The following LCORL variants were observed in gnomAD, a reference collection of about 807,000 sequenced individuals.
LCORL encodes the protein ligand dependent nuclear receptor corepressor like, also known as ligand-dependent nuclear receptor corepressor-like protein.
In LCORL, 41 loss-of-function variants were observed where a neutral mutation model predicts 141.8. The ratio of observed to expected loss-of-function variants is 0.29; its 90% CI spans 0.23 to 0.38. The LOEUF is 0.38. LCORL is among the 10% of genes least tolerant of loss of function. LCORL has a pLI of 1.00. For missense variants in LCORL, 1,759 were observed against 2,035.0 expected, an observed-to-expected ratio of 0.86 and a Z score of 2.61; for synonymous variants, 618 against 694.1, an observed-to-expected ratio of 0.89 and a Z score of 1.72.
At position 17,884,862 on chromosome 4, in the gene LCORL, C is replaced by T; in HGVS notation, c.776+1206G>A. On this transcript the variant is annotated intron_variant, in intron 6 of 7. Transcript: ENST00000635767. This position sits in a 1 kb window ranked among gnomAD's most constrained non-coding sequence, Gnocchi z 4.4. ...TATACTCCTTGCTTAGGTAACATCACTGCTTATGACACTTTTAAGTCTGTG... is the reference window on the plus strand; with the variant it reads ...TATACTCCTTGCTTAGGTAACATCATTGCTTATGACACTTTTAAGTCTGTG... The T allele has an allele frequency of 1.9e-6, 1 of 515,556 alleles. No individual in the cohort carries two copies. The highest frequency in any genetic ancestry group is 3.1e-5 in the East Asian group (1 of 32,270). The allele number at this position is 515,556 out of a possible 1,614,324, so 31.9% of individuals were successfully genotyped here. A position where few individuals can be genotyped will look rare whatever the true frequency, so the allele number is the denominator to read the frequency against.
chr4:17,852,521 T>A (rs1723873357), intron 7 of LCORL, among the ~76,000 whole-genome samples: 1 of 152,142 alleles, frequency 6.6e-6, no homozygotes, highest in South Asian at 2.1e-4. Context: ...TTTTGCCGCA[T>A]GTTTTGGTGA....
intron 7 of LCORL, among the ~76,000 whole-genome samples, chr4:17,868,918 T>A (rs1279948491): frequency 6.6e-6 from 1 of 152,126 alleles, no homozygotes; most frequent in African/African-American, 2.4e-5. Context: ...CTTGTCCATA[T>A]TCCCCAATTA....
At chr4:17,880,348 T>A in intron 6 of LCORL, 1 of 644,818 alleles carries the variant, frequency 1.6e-6, no homozygotes, top group Non-Finnish European at 1.9e-6. Context: ...AAATATCCAG[T>A]CTAGAATTTA....
chr4:18,014,248 G>A (rs1337929289), intron 1 of LCORL, among the ~76,000 whole-genome samples: 7 of 152,144 alleles, frequency 4.6e-5, no homozygotes, highest in Non-Finnish European at 1.0e-4. Context: ...TAGACAAACT[G>A]AAGAAGCAGG....
exon 7 of LCORL, chr4:17,876,420 G>A (rs965393679): frequency 1.7e-5 from 21 of 1,230,720 alleles, no homozygotes; most frequent in Non-Finnish European, 2.0e-5. Context: ...ATATCCTTCT[G>A]ATAATGGCTG....
chr4:17,998,285 C>T (rs541132653), intron 1 of LCORL, among the ~76,000 whole-genome samples: 12 of 152,036 alleles, frequency 7.9e-5, no homozygotes, highest in East Asian at 1.9e-4. Flanking sequence ...AAACATTGTA[C>T]GACTACACTA....
At chr4:17,923,057 A>C (rs1395732130) in intron 4 of LCORL, among the ~76,000 whole-genome samples, 3 of 152,172 alleles carry the variant, frequency 2.0e-5, no homozygotes. Flanking sequence ...CCTATAACTA[A>C]AGTCCCGGCA....
intron 7 of LCORL, among the ~76,000 whole-genome samples, chr4:17,869,846 C>T (rs1237527302): frequency 6.6e-6 from 1 of 152,166 alleles, no homozygotes; most frequent in Non-Finnish European, 1.5e-5. Context: ...AGCATTCTAT[C>T]TTAGTAGATC....
At chr4:17,963,304 T>C (rs1450570956) in intron 2 of LCORL, among the ~76,000 whole-genome samples, 1 of 152,028 alleles carries the variant, frequency 6.6e-6, no homozygotes, top group Non-Finnish European at 1.5e-5. Flanking sequence ...TTTCCAACAA[T>C]AGGGTTTTAA....
Position 17,884,840 on chromosome 4 carries a change from A to G in LCORL, c.776+1228T>C. The G allele has an allele frequency of 1.6e-6, 1 of 639,450 alleles. No individual in the cohort carries two copies. The highest frequency in any genetic ancestry group is 2.5e-6 in the Non-Finnish European group (1 of 398,994). 39.6% of individuals were successfully genotyped at this position (639,450 alleles called of 1,614,324 possible). A position where few individuals can be genotyped will look rare whatever the true frequency, so the allele number is the denominator to read the frequency against. Reference sequence around the variant, plus strand: ...AGGGGAGGGTCCACTCCTTTATTATACTCCTTGCTTAGGTAACATCACTGC... The same window carrying G: ...AGGGGAGGGTCCACTCCTTTATTATGCTCCTTGCTTAGGTAACATCACTGC... On this transcript the variant is annotated intron_variant, in intron 6 of 7. Transcript: ENST00000635767. This position sits in a 1 kb window ranked among gnomAD's most constrained non-coding sequence, Gnocchi z 4.4.
intron 5 of LCORL, among the ~76,000 whole-genome samples, chr4:17,903,902 A>G (rs1399889872): frequency 6.6e-6 from 1 of 152,030 alleles, no homozygotes; most frequent in African/African-American, 2.4e-5. Flanking sequence ...CAGCATTACT[A>G]TGTCAAAGGA....
intron 4 of LCORL, among the ~76,000 whole-genome samples, chr4:17,934,973 G>GC (rs1262619642): frequency 2.0e-5 from 3 of 152,056 alleles, no homozygotes; most frequent in Admixed American, 6.6e-5. Context: ...GTAACTAACT[G>GC]CCCACTCACT....
chr4:17,898,517 T>C lies in LCORL; in HGVS notation c.682+10577A>G, dbSNP rs867093500. 1.2e-4 allele frequency among the ~76,000 whole-genome samples: 18 copies of C among 152,264 alleles called. 1 individual carries two copies. In the Middle Eastern group the frequency reaches 0.02, roughly 173 times the overall value. The stretch of plus-strand genomic sequence containing the variant: ...ATCCCCTTCTTGGTAACCACATTCA[T>C]TGTCGTTAGTTTTTGGCTTATCTTC... On this transcript the variant is annotated intron_variant, in intron 5 of 7. Transcript: ENST00000635767.
intron 7 of LCORL, among the ~76,000 whole-genome samples, chr4:17,863,343 C>T (rs768648685): frequency 6.6e-6 from 1 of 152,056 alleles, no homozygotes; most frequent in South Asian, 2.1e-4. Flanking sequence ...GAGCAAAGGA[C>T]ATGAACAGAC....
intron 1 of LCORL, among the ~76,000 whole-genome samples, chr4:17,975,636 T>C (rs1716801508): frequency 6.6e-6 from 1 of 152,174 alleles, no homozygotes; most frequent in Non-Finnish European, 1.5e-5. Context: ...CCTCAGGTGA[T>C]CCATCCATCT....
At chr4:17,977,434 C>T (rs1440877912) in intron 1 of LCORL, among the ~76,000 whole-genome samples, 1 of 151,996 alleles carries the variant, frequency 6.6e-6, no homozygotes, top group Admixed American at 6.6e-5. Flanking sequence ...TTTTCTTTTG[C>T]TTTCTTCTAA....
At chr4:17,912,403 G>A in intron 4 of LCORL, 2 of 629,306 alleles carry the variant, frequency 3.2e-6, no homozygotes, top group Non-Finnish European at 6.1e-6. Flanking sequence ...GACTGCGGAG[G>A]TAGATGCCAC....
At chr4:17,912,341 A>T (rs546212957) in intron 4 of LCORL, 6 of 672,416 alleles carry the variant, frequency 8.9e-6, no homozygotes, top group Non-Finnish European at 1.7e-5. Context: ...TTCATGAAGA[A>T]CCATGAAGAG....
At chr4:17,858,359 A>C (rs1042304977) in intron 7 of LCORL, among the ~76,000 whole-genome samples, 1 of 152,076 alleles carries the variant, frequency 6.6e-6, no homozygotes, top group African/African-American at 2.4e-5. Flanking sequence ...ATCGCGTATC[A>C]GTGACCTGTG....
Sources: gnomAD v4.1 joint callset for allele counts (sites outside exome capture counted in the v4.1 genomes callset) on GRCh38, gnomAD v4.1.1 for gene constraint, Gnocchi (gnomAD v3.1) non-coding constraint, MANE v1.5 for transcripts, NCBI Gene and HGNC (gene_info 2026-07-23, HGNC 2026-07-21) for gene names.